MAEL: variants seen among roughly 807,000 people sequenced by gnomAD.
MAEL encodes protein maelstrom homolog.
A neutral mutation model predicts 62.0 loss-of-function variants in MAEL; 46 were observed. That is an observed-to-expected ratio of 0.74 (90% CI 0.59 to 0.95). The LOEUF is 0.95. MAEL is among the 40% of genes least tolerant of loss of function. The pLI, the probability that MAEL is intolerant of heterozygous loss-of-function variation, is 0.00. For missense variants in MAEL, 497 were observed against 526.8 expected (o/e 0.94, Z 0.55); for synonymous variants, 172 against 175.5 (o/e 0.98, Z 0.16).
At chr1:166,982,514 G>A (rs1391664353) in intron 1 of MAEL, among the ~76,000 whole-genome samples, 1 of 152,054 alleles carries the variant, frequency 6.6e-6, no homozygotes, top group Non-Finnish European at 1.5e-5. Flanking sequence ...TATTAGCACA[G>A]GAGGGAAGAT....
chr1:166,982,171 A>C (rs1008605423), intron 1 of MAEL, among the ~76,000 whole-genome samples: 1 of 152,268 alleles, frequency 6.6e-6, no homozygotes, highest in Admixed American at 6.5e-5. Flanking sequence ...ATCTGAGAGC[A>C]CATTCAAACA....
chr1:167,012,138 T>G (rs531653494), intron 8 of MAEL, among the ~76,000 whole-genome samples: 62 of 152,302 alleles, frequency 4.1e-4, no homozygotes, highest in African/African-American at 1.4e-3. Flanking sequence ...TTAGAATCTG[T>G]TAATATAAGC....
chr1:166,991,121 T>C (rs1664153730), intron 2 of MAEL, among the ~76,000 whole-genome samples: 3 of 152,226 alleles, frequency 2.0e-5, no homozygotes, highest in South Asian at 2.1e-4. Flanking sequence ...ATGATTACCT[T>C]GGATAATCAG....
At chr1:167,011,872 G>A (rs562519177) in intron 8 of MAEL, among the ~76,000 whole-genome samples, 1 of 152,232 alleles carries the variant, frequency 6.6e-6, no homozygotes, top group East Asian at 1.9e-4. Context: ...TTTTATAATT[G>A]AAGAAATACA....
chr1:167,017,857 C>T lies in MAEL; in HGVS notation c.939C>T (p.Leu313=). The change falls in exon 10 of 12, where the codon CTC becomes CTT. Residue 313 remains leucine, a synonymous_variant. Transcript: ENST00000367872. The part of the protein sequence containing the change: ...AYCISNSLAT[L]FGIQLTEAHV... ...GCATCAGTAATTCTCTGGCCACTCT[C>T]TTTGGAATCCAGCTCACAGAGGCTC... 1 of 1,612,962 alleles carries T rather than the reference C, an allele frequency of 6.2e-7. No homozygotes were observed. Among genetic ancestry groups the T allele is most frequent in the Non-Finnish European group, 8.5e-7 (1 of 1,179,308 alleles).
chr1:166,989,273 C>T (rs1210626685), upstream of MAEL: 3 of 1,525,764 alleles, frequency 2.0e-6, no homozygotes, highest in Non-Finnish European at 2.6e-6. Context: ...AGGCGCCTAC[C>T]TCTGTTACTT....
intron 2 of MAEL, chr1:166,990,716 G>A (rs1475808586): frequency 6.6e-6 from 1 of 152,126 alleles, no homozygotes; most frequent in Non-Finnish European, 1.5e-5. Flanking sequence ...CTGTGTAGTA[G>A]AATGTTAAAG....
intron 6 of MAEL, among the ~76,000 whole-genome samples, chr1:167,004,738 G>A (rs1227278931): frequency 6.6e-6 from 1 of 151,978 alleles, no homozygotes; most frequent in Non-Finnish European, 1.5e-5. Context: ...TGAAAAGTTG[G>A]GTTTTAACCT....
chr1:167,014,890 G>A (rs1665323449), intron 8 of MAEL, among the ~76,000 whole-genome samples: 1 of 152,152 alleles, frequency 6.6e-6, no homozygotes, highest in Non-Finnish European at 1.5e-5. Flanking sequence ...AGGCATGATG[G>A]CACATGCTTG....
chr1:166,996,610 A>G (rs896322023), intron 5 of MAEL, among the ~76,000 whole-genome samples: 2 of 152,188 alleles, frequency 1.3e-5, no homozygotes, highest in African/African-American at 4.8e-5. Context: ...GTGCCATTGA[A>G]AGTCCCTGTA....
At position 167,005,474 on chromosome 1, in the gene MAEL, C is replaced by T. The variant is rs1466526584; in HGVS notation, c.845+77C>T. The T allele has an allele frequency of 1.0e-5, 13 of 1,255,732 alleles. No individual in the cohort carries two copies. The Admixed American group carries it at 2.9e-4, about 28-fold the overall frequency. The allele number at this position is 1,255,732 out of a possible 1,614,324, so 77.8% of individuals were successfully genotyped here. ...AGAAAATATGGTAGGACTATTTTTG[C>T]CTTTTTATGCAATATTTTCCCATGA... On this transcript the variant is annotated intron_variant, in intron 8 of 11. Transcript: ENST00000367872.
rs187102215 is a variant in MAEL, at chr1:166,992,957, A to G, written c.481+116A>G. The G allele has an allele frequency of 1.2e-4, 106 of 849,552 alleles. No individual in the cohort carries two copies. The African/African-American group carries it at 1.4e-3, about 11-fold the overall frequency. 52.6% of individuals were successfully genotyped at this position (849,552 alleles called of 1,614,324 possible). Reference sequence around the variant, plus strand: ...AAGCTCATGTACAGCTGTGTTCTTAATGTAACAAGACTTCATAATGCTTAT... The same window carrying G: ...AAGCTCATGTACAGCTGTGTTCTTAGTGTAACAAGACTTCATAATGCTTAT... On this transcript the variant is annotated intron_variant, in intron 4 of 11. Transcript: ENST00000367872.
At chr1:166,999,437 C>G (rs142967767) in intron 5 of MAEL, among the ~76,000 whole-genome samples, 2 of 152,330 alleles carry the variant, frequency 1.3e-5, no homozygotes, top group East Asian at 1.9e-4. Flanking sequence ...AGCCTTAACT[C>G]TCTTCAATTC....
chr1:166,981,991 G>A (rs1215812483), intron 1 of MAEL, among the ~76,000 whole-genome samples: 2 of 152,148 alleles, frequency 1.3e-5, no homozygotes, highest in African/African-American at 2.4e-5. Context: ...CTCTTCCATG[G>A]GAGAGCTCAT....
Position 167,004,614 on chromosome 1 carries a change from C to T in MAEL, c.648+310C>T, listed in dbSNP as rs148719789. Among the ~76,000 whole-genome samples the T allele has an allele frequency of 2.3e-3, 346 of 152,092 alleles. 4 individuals carry two copies. Among genetic ancestry groups the T allele is most frequent in the African/African-American group, 7.9e-3 (330 of 41,548 alleles). ...TAAGAATGGATGCTCCATTCTATTCCGTACACCTATCTTTCGAAACAAGAA... is the reference window on the plus strand; with the variant it reads ...TAAGAATGGATGCTCCATTCTATTCTGTACACCTATCTTTCGAAACAAGAA... On this transcript the variant is annotated intron_variant, in intron 6 of 11. Transcript: ENST00000367872.
At chr1:166,992,595 A>C in intron 3 of MAEL, 91 bp from the exon 4 acceptor site, 1 of 931,594 alleles carries the variant, frequency 1.1e-6, no homozygotes, top group Admixed American at 3.4e-5. Flanking sequence ...ATTGTTCTAA[A>C]ACATTTTTTC....
In MAEL at chr1:167,021,881, AAACAGT is replaced by A. The variant is rs1372246705; in HGVS notation, c.*32_*37del. 6 of 1,507,134 alleles carry A rather than the reference AAACAGT, an allele frequency of 4.0e-6. No individual in the cohort carries two copies. In the African/African-American group the frequency reaches 8.3e-5, roughly 21 times the overall value. 93.4% of individuals were successfully genotyped at this position (1,507,134 alleles called of 1,614,324 possible). A position where few individuals can be genotyped will look rare whatever the true frequency, so the allele number is the denominator to read the frequency against. On this transcript the variant is annotated 3_prime_UTR_variant, in exon 12 of 12. Coordinates refer to ENST00000367872, the MANE Select transcript of MAEL (RefSeq NM_032858.3). ...TGATGGTACTCTTTTCAATTTCTGAAAACAGTAACAGGCCCAACTTCCTTCTTACTA... is the reference window on the plus strand; with the variant it reads ...TGATGGTACTCTTTTCAATTTCTGAAAACAGGCCCAACTTCCTTCTTACTA...
chr1:167,008,978 T>G (rs1199875725), intron 8 of MAEL, among the ~76,000 whole-genome samples: 6 of 152,130 alleles, frequency 3.9e-5, no homozygotes, highest in Admixed American at 6.5e-5. Context: ...ATAATCAATT[T>G]TTGTGACTGT....
chr1:166,984,261 T>G (rs1663849279), upstream of MAEL, among the ~76,000 whole-genome samples: 1 of 152,202 alleles, frequency 6.6e-6, no homozygotes, highest in Non-Finnish European at 1.5e-5. Flanking sequence ...GCCTTTCCTT[T>G]CTGTTCGAGG....
Sources: allele counts gnomAD v4.1 joint callset (sites outside exome capture counted in the v4.1 genomes callset), GRCh38; gene constraint gnomAD v4.1.1; transcripts MANE v1.5; gene names NCBI Gene and HGNC (gene_info 2026-07-23, HGNC 2026-07-21).